PCDHGA6: variants seen among roughly 807,000 people sequenced by gnomAD.
PCDHGA6 encodes the protein protocadherin gamma subfamily A, 6.
Under a neutral mutation model 60.6 loss-of-function variants are expected in PCDHGA6, and 41 were observed. That is an observed-to-expected ratio of 0.68 (90% confidence interval 0.53 to 0.88). The LOEUF is 0.88. PCDHGA6 is among the 40% of genes least tolerant of loss of function. The pLI is 0.00. For synonymous variants in PCDHGA6, 594 were observed against 524.4 expected (o/e 1.13, Z -1.81); for missense variants, 1,312 against 1,203.0 (o/e 1.09, Z -1.34).
rs774288267 is a variant in PCDHGA6, at chr5:141,392,993, G to A, written c.2424+16486G>A. On this transcript the variant is annotated intron_variant, in intron 1 of 3. Transcript: ENST00000517434. ...TGGGGCTGGACCCCCGGAAGCTGGCGAAGCACGGAGTCCGTATCGTCTCCA... is the reference window on the plus strand; with the variant it reads ...TGGGGCTGGACCCCCGGAAGCTGGCAAAGCACGGAGTCCGTATCGTCTCCA... The A allele has an allele frequency of 5.0e-6, 8 of 1,613,802 alleles. 1 individual carries two copies. In the South Asian group the frequency reaches 6.6e-5, roughly 13 times the overall value.
intron 1 of PCDHGA6, chr5:141,418,890 G>A (rs1449142412): frequency 1.9e-6 from 3 of 1,613,934 alleles, no homozygotes; most frequent in Non-Finnish European, 2.5e-6. Flanking sequence ...AACGACAACA[G>A]CCCAGAAATA....
At chr5:141,381,826 C>CTTT (rs770630741) in intron 1 of PCDHGA6, among the ~76,000 whole-genome samples, 5,488 of 73,990 alleles carry the variant, frequency 0.074, 263 homozygotes, top group Admixed American at 0.16. Context: ...CTTTCTTCTT[C>CTTT]TTTTTTTTTT....
chr5:141,476,054 A>T lies in PCDHGA6; in HGVS notation c.2425-18753A>T. The T allele has an allele frequency of 3.3e-6, 5 of 1,504,982 alleles. No homozygotes were observed. The highest frequency in any genetic ancestry group is 4.4e-6 in the Non-Finnish European group (5 of 1,134,040). 93.2% of individuals were successfully genotyped at this position (1,504,982 alleles called of 1,614,324 possible). A position where few individuals can be genotyped will look rare whatever the true frequency, so the allele number is the denominator to read the frequency against. ...AGCGCCCAAGCGCTAACCCGCTGAA[A>T]GTTTCTCAGCGAAATCTCAGGGACG... On this transcript the variant is annotated intron_variant, in intron 1 of 3. Coordinates refer to ENST00000517434, the MANE Select transcript of PCDHGA6 (RefSeq NM_018919.3). The surrounding 1 kb of genome is among the most constrained non-coding windows in gnomAD (Gnocchi z 7.6).
At chr5:141,461,820 A>AT (rs1458631685) in intron 1 of PCDHGA6, among the ~76,000 whole-genome samples, 5 of 147,814 alleles carry the variant, frequency 3.4e-5, no homozygotes, top group African/African-American at 7.5e-5. Context: ...CACCCAGCTA[A>AT]TTTTTTTTTC....
chr5:141,477,532 C>A lies in PCDHGA6; in HGVS notation c.2425-17275C>A. 6.2e-7 allele frequency: 1 copy of A among 1,614,146 alleles called. No individual in the cohort carries two copies. The highest frequency in any genetic ancestry group is 8.5e-7 in the Non-Finnish European group (1 of 1,180,028). ...TTTACATTGAAGAAAACAACCTCCC[C>A]GGGGCTCCAATACTAAACCTAAGTG... On this transcript the variant is annotated intron_variant, in intron 1 of 3. Coordinates refer to ENST00000517434, the MANE Select transcript of PCDHGA6 (RefSeq NM_018919.3). The surrounding 1 kb of genome is among the most constrained non-coding windows in gnomAD (Gnocchi z 4.9).
At chr5:141,387,282 A>C (rs578102496) in intron 1 of PCDHGA6, among the ~76,000 whole-genome samples, 59 of 152,340 alleles carry the variant, frequency 3.9e-4, no homozygotes, top group Admixed American at 2.0e-3. Context: ...CAATGAAAGA[A>C]AGATAAAATG....
chr5:141,501,162 C>T (rs922957843), intron 2 of PCDHGA6, among the ~76,000 whole-genome samples: 1 of 152,134 alleles, frequency 6.6e-6, no homozygotes, highest in Non-Finnish European at 1.5e-5. Context: ...CCACCATCCC[C>T]AGCCTCATTT....
chr5:141,490,184 TC>T lies in PCDHGA6; in HGVS notation c.2425-4622del, dbSNP rs1293752541. The T allele has an allele frequency of 1.2e-6, 2 of 1,614,196 alleles. No individual in the cohort carries two copies. The highest frequency in any genetic ancestry group is 1.7e-6 in the Non-Finnish European group (2 of 1,180,030). On this transcript the variant is annotated intron_variant, in intron 1 of 3. Coordinates refer to ENST00000517434, the MANE Select transcript of PCDHGA6 (RefSeq NM_018919.3). This position sits in a 1 kb window ranked among gnomAD's most constrained non-coding sequence, Gnocchi z 5.4. The stretch of plus-strand genomic sequence containing the variant: ...CCCATAGACTTTGAGGAGTCACGTT[TC>T]TATGAAATTCATGCAAGAGCCCGTG...
At position 141,511,140 on chromosome 5, in the gene PCDHGA6, C is replaced by G. The variant is rs1405623579; in HGVS notation, c.2766C>G (p.Asn922Lys). Residue 922 changes from asparagine (N) to lysine (K), a missense_variant, in exon 4 of 4, where the codon AAC becomes AAG. Physicochemically the swap from Asn to Lys is moderately conservative, Grantham distance 94. Transcript: ENST00000517434. ...AGGCCCCAGCAGGTGGCAATGGCAACAAGAAGAAGTCGGGCAAGAAGGAGA... is the reference window on the plus strand; with the variant it reads ...AGGCCCCAGCAGGTGGCAATGGCAAGAAGAAGAAGTCGGGCAAGAAGGAGA... Reference protein sequence around the residue: ...DGKAPAGGNGNKKKSGKKEKK With the variant: ...DGKAPAGGNGKKKKSGKKEKK 2.5e-6 allele frequency: 4 copies of G among 1,614,068 alleles called. No homozygotes were observed. Among genetic ancestry groups the G allele is most frequent in the Admixed American group, 1.7e-5 (1 of 60,008 alleles).
chr5:141,480,273 G>A (rs2099516030), intron 1 of PCDHGA6, among the ~76,000 whole-genome samples: 1 of 151,956 alleles, frequency 6.6e-6, no homozygotes, highest in Non-Finnish European at 1.5e-5. Flanking sequence ...TCATTAGCTG[G>A]GTGTGTTGGC....
chr5:141,414,648 T>G (rs2095770464), intron 1 of PCDHGA6: 2 of 1,613,844 alleles, frequency 1.2e-6, no homozygotes, highest in Non-Finnish European at 1.7e-6. Context: ...ATGCCCAGAT[T>G]ATTTACTCCC....
At chr5:141,448,114 A>G (rs1483138819) in intron 1 of PCDHGA6, among the ~76,000 whole-genome samples, 1 of 151,948 alleles carries the variant, frequency 6.6e-6, no homozygotes, top group Non-Finnish European at 1.5e-5. Flanking sequence ...AGAAAAGAAA[A>G]TTAGCCTCCC....
intron 1 of PCDHGA6, chr5:141,409,138 A>G (rs2095229593): frequency 1.2e-6 from 2 of 1,614,046 alleles, no homozygotes; most frequent in Non-Finnish European, 1.7e-6. Flanking sequence ...TTGAAGATGT[A>G]GAAAGGTACA....
chr5:141,415,519 A>G, intron 1 of PCDHGA6: 1 of 1,614,182 alleles, frequency 6.2e-7, no homozygotes, highest in Non-Finnish European at 8.5e-7. Context: ...TTATGCGGAC[A>G]CGCTCATCAG....
At position 141,487,339 on chromosome 5, in the gene PCDHGA6, A is replaced by T; in HGVS notation, c.2425-7468A>T. On this transcript the variant is annotated intron_variant, in intron 1 of 3. Coordinates refer to ENST00000517434, the MANE Select transcript of PCDHGA6 (RefSeq NM_018919.3). The surrounding 1 kb of genome is among the most constrained non-coding windows in gnomAD (Gnocchi z 5.0). ...AGTGTCTTCGTGGGGCAGCCTGTGG[A>T]GTCACATGCTTTCCTGCTGGCACCT... The T allele has an allele frequency of 1.9e-6, 3 of 1,614,096 alleles. No individual in the cohort carries two copies. Among genetic ancestry groups the T allele is most frequent in the Non-Finnish European group, 2.5e-6 (3 of 1,180,000 alleles).
chr5:141,473,975 G>T (rs188916402), intron 1 of PCDHGA6, among the ~76,000 whole-genome samples: 1 of 152,104 alleles, frequency 6.6e-6, no homozygotes, highest in Non-Finnish European at 1.5e-5. Flanking sequence ...AGTCTGAGGC[G>T]GGAGGATCCC....
intron 1 of PCDHGA6, chr5:141,405,058 T>C (rs1174407561): frequency 1.2e-6 from 2 of 1,613,912 alleles, no homozygotes; most frequent in East Asian, 2.2e-5. Flanking sequence ...TCGTCTCCTG[T>C]GTCTTCCTCA....
At chr5:141,379,275 A>C (rs1248743398) in intron 1 of PCDHGA6, 3 of 152,194 alleles carry the variant, frequency 2.0e-5, no homozygotes, top group African/African-American at 7.2e-5. Flanking sequence ...TTATAGATTT[A>C]TTTATTTCAA....
At chr5:141,478,625 T>A in intron 1 of PCDHGA6, 3 of 1,554,218 alleles carry the variant, frequency 1.9e-6, no homozygotes, top group Non-Finnish European at 2.6e-6. Context: ...ATGGAGCTGT[T>A]TTTTTAGTGA....
Sources: gnomAD v4.1 joint callset for allele counts (sites outside exome capture counted in the v4.1 genomes callset) on GRCh38, gnomAD v4.1.1 for gene constraint, Gnocchi (gnomAD v3.1) non-coding constraint, MANE v1.5 for transcripts, NCBI Gene and HGNC (gene_info 2026-07-23, HGNC 2026-07-21) for gene names.